Variants in GRID2 observed in about 807,000 individuals in gnomAD.
GRID2 encodes the protein glutamate ionotropic receptor delta type subunit 2.
GRID2 carries 33 observed loss-of-function variants against 114.8 expected under a neutral mutation model. The ratio of observed to expected loss-of-function variants is 0.29; its 90% CI spans 0.22 to 0.38. GRID2 has a LOEUF of 0.38. Ranked by LOEUF, GRID2 falls within the 10% of genes least tolerant of loss-of-function variation. The probability of loss-of-function intolerance (pLI) is 1.00; values close to 1 mark genes in which losing one functional copy is unlikely to be tolerated. For synonymous variants in GRID2, 505 were observed against 449.9 expected (o/e 1.12, Z -1.55); for missense variants, 1,184 against 1,257.7 (o/e 0.94, Z 0.89).
intron 2 of GRID2, among the ~76,000 whole-genome samples, chr4:92,876,318 A>T: frequency 7.1e-6 from 1 of 141,040 alleles, no homozygotes; most frequent in Non-Finnish European, 1.6e-5. Context: ...TTTATTTTTG[A>T]GATGGAGTCT....
intron 2 of GRID2, among the ~76,000 whole-genome samples, chr4:92,773,439 A>C (rs1738630566): frequency 6.6e-6 from 1 of 152,196 alleles, no homozygotes; most frequent in Non-Finnish European, 1.5e-5. Flanking sequence ...GAAAAGAAGC[A>C]ACAATGATAA....
At chr4:93,066,302 T>G (rs974947982) in intron 2 of GRID2, among the ~76,000 whole-genome samples, 1 of 151,982 alleles carries the variant, frequency 6.6e-6, no homozygotes, top group Non-Finnish European at 1.5e-5. Context: ...GTTCATCTCA[T>G]TACTATTAAA....
intron 2 of GRID2, among the ~76,000 whole-genome samples, chr4:92,968,312 T>C (rs550437702): frequency 2.0e-5 from 3 of 151,858 alleles, no homozygotes; most frequent in Non-Finnish European, 4.4e-5. Flanking sequence ...ACTCAGGCTT[T>C]ATTTAAAAAA....
intron 4 of GRID2, among the ~76,000 whole-genome samples, chr4:93,173,656 G>A (rs1420110199): frequency 3.3e-5 from 5 of 151,984 alleles, no homozygotes; most frequent in African/African-American, 7.3e-5. Flanking sequence ...TTTTTGAGAC[G>A]TCTCATTCTG....
At chr4:93,614,200 C>T (rs1263276609) in intron 13 of GRID2, among the ~76,000 whole-genome samples, 5 of 152,354 alleles carry the variant, frequency 3.3e-5, no homozygotes, top group East Asian at 3.9e-4. Flanking sequence ...CACTGGCCTG[C>T]GCCCACTGTC....
chr4:92,406,682 C>T (rs1731041635), intron 1 of GRID2, among the ~76,000 whole-genome samples: 1 of 151,206 alleles, frequency 6.6e-6, no homozygotes, highest in Admixed American at 6.6e-5. Flanking sequence ...ACAGGTGGCT[C>T]TTCAGCCCAT....
In GRID2 at chr4:93,302,400, C is replaced by T. The variant is rs12643609; in HGVS notation, c.1245+63910C>T. Among the ~76,000 whole-genome samples the T allele has an allele frequency of 0.025, 3,779 of 152,242 alleles. 211 individuals are homozygous for T. In the East Asian group the frequency reaches 0.25, roughly 10 times the overall value. ...AACTGTGGCTGAAAGCCCCATGGGC[C>T]GCATGAATACAGCAGCCAGGGGTCT... On this transcript the variant is annotated intron_variant, in intron 8 of 15. Coordinates refer to ENST00000282020, the MANE Select transcript of GRID2 (RefSeq NM_001510.4).
chr4:93,037,216 C>T (rs1725013095), intron 2 of GRID2, among the ~76,000 whole-genome samples: 1 of 152,116 alleles, frequency 6.6e-6, no homozygotes, highest in African/African-American at 2.4e-5. Flanking sequence ...TCCCTATTAC[C>T]TTAAATTCCA....
At chr4:93,075,883 C>CTTTTTTTTTTTTTT (rs10706922) in intron 2 of GRID2, among the ~76,000 whole-genome samples, 1 of 76,606 alleles carries the variant, frequency 1.3e-5, no homozygotes, top group African/African-American at 5.3e-5. Context: ...AGTTACCTCT[C>CTTTTTTTTTTTTTT]TTTTTTTTTT....
chr4:93,551,199 T>C (rs2149543129), intron 13 of GRID2, among the ~76,000 whole-genome samples: 1 of 152,202 alleles, frequency 6.6e-6, no homozygotes, highest in Non-Finnish European at 1.5e-5. Context: ...GTGGAGGAAA[T>C]GGACAACTGA....
intron 14 of GRID2, among the ~76,000 whole-genome samples, chr4:93,637,826 A>T (rs1410390222): frequency 6.6e-6 from 1 of 152,098 alleles, no homozygotes; most frequent in Non-Finnish European, 1.5e-5. Flanking sequence ...TTAATTCATC[A>T]TTACATTTTA....
At chr4:92,766,841 C>G (rs895354526) in intron 2 of GRID2, among the ~76,000 whole-genome samples, 3 of 152,122 alleles carry the variant, frequency 2.0e-5, no homozygotes, top group African/African-American at 7.2e-5. Flanking sequence ...ACCTGTTTCA[C>G]AGATTGATTT....
chr4:92,467,795 G>T (rs1721830153), intron 1 of GRID2, among the ~76,000 whole-genome samples: 1 of 151,904 alleles, frequency 6.6e-6, no homozygotes. Flanking sequence ...GTTTAATATT[G>T]GGAATTAATA....
intron 13 of GRID2, among the ~76,000 whole-genome samples, chr4:93,525,036 T>A (rs1730749340): frequency 6.6e-6 from 1 of 151,862 alleles, no homozygotes; most frequent in African/African-American, 2.4e-5. Context: ...ATTAGCTACA[T>A]TCAATTCTAA....
intron 1 of GRID2, among the ~76,000 whole-genome samples, chr4:92,540,563 C>T (rs1182497954): frequency 6.6e-6 from 1 of 152,178 alleles, no homozygotes; most frequent in Non-Finnish European, 1.5e-5. Flanking sequence ...CACTGGCCAT[C>T]AGAGAAATGC....
In GRID2 at chr4:93,238,380, A is replaced by G; in HGVS notation, c.1135A>G (p.Ser379Gly). ...CTGTTCTCTCCTTTAGGGTGGAGTT[A>G]GTGGGTTGACTGGAGAGCTAGAATT... is the stretch of plus-strand genomic sequence containing the variant. ...MLETIKKGGV[S>G]GLTGELEFGE... The change falls in exon 8 of 16, where the codon AGT (serine) becomes GGT (glycine). Residue 379 changes from serine to glycine, a missense_variant. Ser to Gly is a moderately conservative substitution (Grantham distance 56). Around this residue, in one of 3 missense-constraint regions of GRID2, gnomAD observed 717 missense variants for 796.9 expected, o/e 0.90. Transcript: ENST00000282020. 2.5e-6 allele frequency: 4 copies of G among 1,603,952 alleles called. No homozygotes were observed. Among genetic ancestry groups the G allele is most frequent in the Non-Finnish European group, 3.4e-6 (4 of 1,171,650 alleles).
chr4:92,668,466 C>G (rs1732892168), intron 2 of GRID2, among the ~76,000 whole-genome samples: 1 of 151,648 alleles, frequency 6.6e-6, no homozygotes, highest in Non-Finnish European at 1.5e-5. Flanking sequence ...AGACTCTAAG[C>G]TGAGAAGTAA....
chr4:92,939,706 A>G (rs1428330323), intron 2 of GRID2, among the ~76,000 whole-genome samples: 6 of 147,334 alleles, frequency 4.1e-5, no homozygotes, highest in Middle Eastern at 3.5e-3. Context: ...TAGGTCTAAC[A>G]TTTAAGTCTT....
intron 2 of GRID2, among the ~76,000 whole-genome samples, chr4:92,618,362 G>A (rs936481176): frequency 2.0e-5 from 3 of 151,570 alleles, no homozygotes; most frequent in Non-Finnish European, 3.0e-5. Flanking sequence ...TGTTTAATTG[G>A]TCTATATTTC....
Sources: gnomAD v4.1 joint callset for allele counts (sites outside exome capture counted in the v4.1 genomes callset) on GRCh38, gnomAD v4.1.1 for gene constraint, gnomAD v4.1.1 regional missense constraint, MANE v1.5 for transcripts, NCBI Gene and HGNC (gene_info 2026-07-23, HGNC 2026-07-21) for gene names.